Variants in CDYL observed in about 807,000 individuals in gnomAD.
CDYL encodes chromodomain Y like, also known as chromodomain Y-like protein.
Under a neutral mutation model 47.3 loss-of-function variants are expected in CDYL, and 8 were observed. That is an observed-to-expected ratio of 0.17 (90% CI 0.10 to 0.31). The LOEUF (loss-of-function observed/expected upper bound fraction) is 0.31. Ranked by LOEUF, CDYL falls within the 10% of genes least tolerant of loss-of-function variation. The pLI is 1.00. For missense variants in CDYL, 471 were observed against 701.4 expected (o/e 0.67, Z 3.71); for synonymous variants, 266 against 265.0 (o/e 1.00, Z -0.04).
At chr6:4,876,725 C>CTT (rs1387724028) in intron 1 of CDYL, among the ~76,000 whole-genome samples, 1 of 152,040 alleles carries the variant, frequency 6.6e-6, no homozygotes, top group African/African-American at 2.4e-5. Context: ...ATTCTAGAAA[C>CTT]TTTTTATAGG....
chr6:4,885,146 A>G (rs1020163010), intron 1 of CDYL, among the ~76,000 whole-genome samples: 1 of 152,034 alleles, frequency 6.6e-6, no homozygotes, highest in African/African-American at 2.4e-5. Flanking sequence ...AGTGTACTCC[A>G]CCATGCCCAG....
intron 1 of CDYL, among the ~76,000 whole-genome samples, chr6:4,860,390 C>T (rs1017447075): frequency 7.9e-5 from 12 of 151,610 alleles, no homozygotes; most frequent in Non-Finnish European, 1.5e-4. Context: ...GGTGAAGCTC[C>T]TGATAGTGTA....
intron 2 of CDYL, among the ~76,000 whole-genome samples, chr6:4,723,829 G>A (rs1037330917): frequency 1.4e-4 from 21 of 152,224 alleles, no homozygotes; most frequent in African/African-American, 5.1e-4. Flanking sequence ...CACATACTGA[G>A]ACAACTCACT....
At position 4,739,191 on chromosome 6, in the gene CDYL, AAAAAT is replaced by A. The variant is rs560432926; in HGVS notation, c.186+4377_186+4381del. Among the ~76,000 whole-genome samples the A allele has an allele frequency of 2.9e-3, 435 of 149,152 alleles. 1 individual carries two copies. Among genetic ancestry groups the A allele is most frequent in the African/African-American group, 4.2e-3 (172 of 41,016 alleles). On this transcript the variant is annotated intron_variant, in intron 3 of 8. Coordinates refer to the CDYL transcript ENST00000328908. Reference sequence around the variant, plus strand: ...ATAAATAAATAAATAATTAAATAATAAAAATAAAATAAAATAAAATAAAATAAAAT... The same window carrying A: ...ATAAATAAATAAATAATTAAATAATAAAAATAAAATAAAATAAAATAAAAT...
At chr6:4,769,478 CTTG>C (rs1290698033) in intron 3 of CDYL, among the ~76,000 whole-genome samples, 4 of 151,830 alleles carry the variant, frequency 2.6e-5, no homozygotes, top group Non-Finnish European at 5.9e-5. Context: ...GTACATAGGC[CTTG>C]TTGTATTTTT....
chr6:4,733,219 TGTCAGTGAC>T (rs1757640968), intron 2 of CDYL: 1 of 152,172 alleles, frequency 6.6e-6, no homozygotes, highest in African/African-American at 2.4e-5. Context: ...TCAAGAGGAA[TGTCAGTGAC>T]TCTTCACTGA....
chr6:4,876,977 C>T (rs1761637331), intron 1 of CDYL, among the ~76,000 whole-genome samples: 4 of 152,112 alleles, frequency 2.6e-5, no homozygotes, highest in Admixed American at 2.6e-4. Context: ...ATAAAGAGGC[C>T]CAAGAGAGCT....
At chr6:4,815,365 C>G (rs1240932500) in intron 1 of CDYL, among the ~76,000 whole-genome samples, 1 of 152,110 alleles carries the variant, frequency 6.6e-6, no homozygotes, top group Admixed American at 6.5e-5. Flanking sequence ...AGTCAGTTAC[C>G]ACATATCAAC....
upstream of CDYL, among the ~76,000 whole-genome samples, chr6:4,776,258 G>C (rs1434031246): frequency 7.0e-6 from 1 of 143,218 alleles, no homozygotes; most frequent in African/African-American, 2.5e-5. Flanking sequence ...GCCCCGAGCG[G>C]AGCCCACTGC....
intron 2 of CDYL, among the ~76,000 whole-genome samples, chr6:4,730,524 A>G (rs1196889835): frequency 6.6e-6 from 1 of 151,950 alleles, no homozygotes; most frequent in Admixed American, 6.6e-5. Flanking sequence ...AAAATACAAA[A>G]TTAGCCTGGC....
chr6:4,825,295 A>G (rs1759950448), intron 1 of CDYL, among the ~76,000 whole-genome samples: 1 of 152,180 alleles, frequency 6.6e-6, no homozygotes, highest in Admixed American at 6.5e-5. Context: ...TATTAGCTTT[A>G]GTAGCATTCC....
At chr6:4,766,086 A>G (rs1203997826) in intron 3 of CDYL, among the ~76,000 whole-genome samples, 2 of 152,240 alleles carry the variant, frequency 1.3e-5, no homozygotes, top group Admixed American at 1.3e-4. Context: ...TGGGAATATT[A>G]TTAGAGATCC....
intron 2 of CDYL, among the ~76,000 whole-genome samples, chr6:4,723,679 T>G (rs1174231132): frequency 3.3e-5 from 5 of 152,108 alleles, no homozygotes. Context: ...GGGGGCTTGT[T>G]GATGGAGTCC....
At chr6:4,795,480 A>G (rs1197789854) in intron 1 of CDYL, among the ~76,000 whole-genome samples, 5 of 152,148 alleles carry the variant, frequency 3.3e-5, no homozygotes, top group Non-Finnish European at 7.4e-5. Context: ...TTACTTGCCT[A>G]AAAAATCATC....
chr6:4,891,745 A>G lies in CDYL; in HGVS notation c.57A>G (p.Lys19=). Residue 19 remains lysine, a synonymous_variant, in exon 2 of 7, where the codon AAA becomes AAG. Coordinates refer to ENST00000397588, the MANE Select transcript of CDYL (RefSeq NM_004824.4). The part of the protein sequence containing the change: ...VERIVDKRKN[K]KGKTEYLVRW... ...GGATTGTTGACAAAAGGAAAAATAA[A>G]AAAGGGAAGACAGAGTATTTGGTTC... 1 of 1,613,418 alleles carries G rather than the reference A, an allele frequency of 6.2e-7. No individual in the cohort carries two copies. Among genetic ancestry groups the G allele is most frequent in the East Asian group, 2.2e-5 (1 of 44,872 alleles).
chr6:4,909,721 C>A (rs911809281), intron 2 of CDYL, among the ~76,000 whole-genome samples: 5 of 152,068 alleles, frequency 3.3e-5, no homozygotes, highest in African/African-American at 1.2e-4. Flanking sequence ...CAGGCTCCCA[C>A]CACCACGCCT....
chr6:4,901,036 G>A (rs1200698471), intron 2 of CDYL, among the ~76,000 whole-genome samples: 3 of 150,886 alleles, frequency 2.0e-5, no homozygotes, highest in African/African-American at 7.3e-5. Context: ...TCTAGGCCCT[G>A]CCTTAAGGGA....
intron 1 of CDYL, among the ~76,000 whole-genome samples, chr6:4,854,324 C>T (rs77001700): frequency 0.022 from 3,319 of 152,224 alleles, 127 homozygotes; most frequent in African/African-American, 0.076. Context: ...ACTCAGCATC[C>T]GCAGTTCACA....
At chr6:4,728,423 C>A (rs1159262665) in intron 2 of CDYL, among the ~76,000 whole-genome samples, 1 of 152,202 alleles carries the variant, frequency 6.6e-6, no homozygotes, top group East Asian at 1.9e-4. Context: ...CTCCCCCATC[C>A]TTGCATGGGC....
Sources: allele counts gnomAD v4.1 joint callset (sites outside exome capture counted in the v4.1 genomes callset), GRCh38; gene constraint gnomAD v4.1.1; transcripts MANE v1.5; gene names NCBI Gene and HGNC (gene_info 2026-07-23, HGNC 2026-07-21).